The following IQGAP1 variants were observed in gnomAD, a reference collection of about 807,000 sequenced individuals.
IQGAP1 encodes ras GTPase-activating-like protein IQGAP1.
In IQGAP1, 66 loss-of-function variants were observed where a neutral mutation model predicts 215.6. The observed-to-expected ratio is 0.31, with a 90% CI of 0.25 to 0.38. IQGAP1 has a LOEUF of 0.38. Among genes scored for constraint, IQGAP1 ranks in the 10% least tolerant of loss-of-function variants. The pLI, the probability that IQGAP1 is intolerant of heterozygous loss-of-function variation, is 1.00. For missense variants in IQGAP1, 1,712 were observed against 1,997.1 expected, an observed-to-expected ratio of 0.86 and a Z score of 2.72; for synonymous variants, 772 against 728.7, an observed-to-expected ratio of 1.06 and a Z score of -0.96.
intron 11 of IQGAP1, among the ~76,000 whole-genome samples, chr15:90,451,085 C>T (rs1038658562): frequency 6.6e-6 from 1 of 152,076 alleles, no homozygotes; most frequent in Admixed American, 6.6e-5. Flanking sequence ...CTTCCAGTCG[C>T]TTCATAGTTT....
chr15:90,395,312 G>GT (rs11453785), intron 2 of IQGAP1, among the ~76,000 whole-genome samples: 57,853 of 151,132 alleles, frequency 0.38, 12,689 homozygotes, highest in African/African-American at 0.58. Context: ...AAGGAGCGGG[G>GT]TTTTTTTTGT....
chr15:90,452,061 C>G (rs1013042937), intron 11 of IQGAP1, among the ~76,000 whole-genome samples: 5 of 152,168 alleles, frequency 3.3e-5, no homozygotes, highest in African/African-American at 1.2e-4. Flanking sequence ...ATCTCCTGAC[C>G]TCGTGATCCA....
chr15:90,436,315 A>T (rs1965370405), intron 5 of IQGAP1, among the ~76,000 whole-genome samples: 1 of 152,138 alleles, frequency 6.6e-6, no homozygotes, highest in African/African-American at 2.4e-5. Context: ...CTTGCTGGGG[A>T]TACTTTATGA....
chr15:90,482,634 T>G (rs1050360117), intron 28 of IQGAP1: 1 of 649,554 alleles, frequency 1.5e-6, no homozygotes, highest in South Asian at 3.3e-5. Context: ...TAACTCTTTC[T>G]TACTCAGCTA....
In IQGAP1 at chr15:90,461,986, A is replaced by C. The variant is rs1379285517; in HGVS notation, c.1777-4015A>C. ...AACCCCATCTCTACTAAAAACACAA[A>C]AAAAAAAAAAAAAGAAAAAAAAAAA... On this transcript the variant is annotated intron_variant, in intron 15 of 37. Coordinates refer to ENST00000268182, the MANE Select transcript of IQGAP1 (RefSeq NM_003870.4). Among the ~76,000 whole-genome samples the C allele has an allele frequency of 7.5e-3, 87 of 11,666 alleles. No individual in the cohort carries two copies. In the East Asian group the frequency reaches 0.16, roughly 22 times the overall value. The allele number at this position is 11,666 out of a possible 152,430, so 7.7% of individuals were successfully genotyped here.
chr15:90,463,978 G>C (rs1023948363), intron 15 of IQGAP1, among the ~76,000 whole-genome samples: 1 of 152,186 alleles, frequency 6.6e-6, no homozygotes, highest in Admixed American at 6.5e-5. Flanking sequence ...CTAAGGTTTT[G>C]TGACTTCAAC....
intron 26 of IQGAP1, among the ~76,000 whole-genome samples, chr15:90,481,124 C>G (rs1298837280): frequency 6.6e-6 from 1 of 152,092 alleles, no homozygotes; most frequent in Non-Finnish European, 1.5e-5. Context: ...TGCAGAGGCT[C>G]TAGTGGAAAC....
chr15:90,494,934 T>A, intron 36 of IQGAP1, 99 bp downstream of exon 36: 2 of 776,692 alleles, frequency 2.6e-6, no homozygotes, highest in Non-Finnish European at 4.1e-6. Flanking sequence ...ATGGTTACTT[T>A]TAGTATTTTT....
rs538722498 is a variant in IQGAP1 at position 90,421,122 on chromosome 15, G to A, written c.156-4988G>A. 3.7e-4 allele frequency among the ~76,000 whole-genome samples: 57 copies of A among 152,248 alleles called. 1 individual carries two copies. The highest frequency in any genetic ancestry group is 1.3e-3 in the African/African-American group (54 of 41,544). On this transcript the variant is annotated intron_variant, in intron 2 of 37. Transcript: ENST00000268182. Reference sequence around the variant, plus strand: ...ATTGCACTCTAGCCTGGGCGACAAAGCGAGACTCCATCTCAAAGAAAAATT... The same window carrying A: ...ATTGCACTCTAGCCTGGGCGACAAAACGAGACTCCATCTCAAAGAAAAATT...
At chr15:90,465,595 C>T (rs1272691894) in intron 15 of IQGAP1, among the ~76,000 whole-genome samples, 1 of 152,136 alleles carries the variant, frequency 6.6e-6, no homozygotes, top group Non-Finnish European at 1.5e-5. Flanking sequence ...GCCTAACCTC[C>T]TGGGCTCAAG....
chr15:90,429,033 A>C (rs565189234), intron 3 of IQGAP1, among the ~76,000 whole-genome samples: 1 of 152,156 alleles, frequency 6.6e-6, no homozygotes, highest in East Asian at 1.9e-4. Flanking sequence ...TTGTATTTTT[A>C]GTAGAGATGG....
At chr15:90,443,707 G>A (rs1965484706) in intron 9 of IQGAP1, among the ~76,000 whole-genome samples, 1 of 152,110 alleles carries the variant, frequency 6.6e-6, no homozygotes, top group Admixed American at 6.5e-5. Flanking sequence ...ATAGTAGTCT[G>A]TTTGGCTACA....
chr15:90,448,878 A>C (rs1965561650), intron 10 of IQGAP1, 142 bp downstream of exon 10: 2 of 730,414 alleles, frequency 2.7e-6, no homozygotes, highest in Non-Finnish European at 3.9e-6. Flanking sequence ...TTAAAAAAAA[A>C]TCCTCAGGTA....
At chr15:90,450,822 T>G (rs902838217) in intron 11 of IQGAP1, among the ~76,000 whole-genome samples, 4 of 151,394 alleles carry the variant, frequency 2.6e-5, no homozygotes, top group Admixed American at 6.6e-5. Context: ...TTTGTTTTTT[T>G]TTTTTTGGCT....
intron 2 of IQGAP1, among the ~76,000 whole-genome samples, chr15:90,421,584 G>A (rs967982218): frequency 2.0e-5 from 3 of 152,188 alleles, no homozygotes; most frequent in African/African-American, 7.2e-5. Context: ...CTGAGGCTTT[G>A]TGGTTATGGA....
intron 2 of IQGAP1, among the ~76,000 whole-genome samples, chr15:90,421,401 G>A (rs900343538): frequency 7.9e-5 from 12 of 151,740 alleles, no homozygotes; most frequent in African/African-American, 2.9e-4. Flanking sequence ...GCTTGAACTT[G>A]GGAGACGGAG....
intron 9 of IQGAP1, among the ~76,000 whole-genome samples, chr15:90,444,279 G>GTGTGTGTGTGTGTA (rs773341335): frequency 1.2e-3 from 88 of 72,992 alleles, no homozygotes; most frequent in African/African-American, 5.9e-3. Context: ...GTGTGTGTGT[G>GTGTGTGTGTGTGTA]TATATATATA....
chr15:90,439,186 G>C, intron 5 of IQGAP1, 146 bp from the exon 6 acceptor site: 1 of 422,392 alleles, frequency 2.4e-6, no homozygotes, highest in Non-Finnish European at 4.3e-6. Context: ...ATAGCGTATT[G>C]TAACTACAAA....
chr15:90,437,580 T>G (rs540413089), intron 5 of IQGAP1, among the ~76,000 whole-genome samples: 2 of 152,302 alleles, frequency 1.3e-5, no homozygotes, highest in Admixed American at 1.3e-4. Context: ...CTTACTCTTT[T>G]GCCTAGGCTG....
Sources: allele counts gnomAD v4.1 joint callset (sites outside exome capture counted in the v4.1 genomes callset), GRCh38; gene constraint gnomAD v4.1.1; transcripts MANE v1.5; gene names NCBI Gene and HGNC (gene_info 2026-07-23, HGNC 2026-07-21).